LUZP2: variants seen among roughly 807,000 people sequenced by gnomAD.
LUZP2 encodes the protein leucine zipper protein 2.
Under a neutral mutation model 51.6 loss-of-function variants are expected in LUZP2, and 52 were observed. The observed-to-expected ratio is 1.01, with a 90% CI of 0.81 to 1.27. The LOEUF (loss-of-function observed/expected upper bound fraction) is 1.27. Among genes scored for constraint, LUZP2 ranks in the 50% most tolerant of loss-of-function variants. The probability of loss-of-function intolerance (pLI) is 0.00; values close to 1 mark genes in which losing one functional copy is unlikely to be tolerated. For synonymous variants in LUZP2, 154 were observed against 137.3 expected (o/e 1.12, Z -0.85); for missense variants, 436 against 395.4 (o/e 1.10, Z -0.87).
At chr11:25,052,222 A>G (rs749759945) in intron 10 of LUZP2, among the ~76,000 whole-genome samples, 32 of 152,362 alleles carry the variant, frequency 2.1e-4, no homozygotes, top group South Asian at 8.3e-4. Context: ...AAGTAATACA[A>G]TGAGTGACAT....
At chr11:24,728,792 T>A (rs926910357) in intron 1 of LUZP2, among the ~76,000 whole-genome samples, 3 of 152,002 alleles carry the variant, frequency 2.0e-5, no homozygotes, top group African/African-American at 7.2e-5. Flanking sequence ...TTCACACTGC[T>A]GATAAAGGCA....
chr11:24,637,656 A>G (rs1218689511), intron 1 of LUZP2, among the ~76,000 whole-genome samples: 2 of 151,754 alleles, frequency 1.3e-5, no homozygotes, highest in Non-Finnish European at 2.9e-5. Context: ...GTGATTGATA[A>G]TAAGGACTGA....
At chr11:24,532,333 CTA>C (rs1345615073) in intron 1 of LUZP2, among the ~76,000 whole-genome samples, 11 of 150,708 alleles carry the variant, frequency 7.3e-5, no homozygotes, top group African/African-American at 2.4e-4. Context: ...AGAAATATGA[CTA>C]TTGATTTATT....
chr11:24,685,760 G>T (rs542138131), intron 1 of LUZP2, among the ~76,000 whole-genome samples: 6 of 152,246 alleles, frequency 3.9e-5, no homozygotes, highest in East Asian at 1.9e-4. Context: ...CAGAGATTAT[G>T]CTGTGTTCAC....
intron 5 of LUZP2, among the ~76,000 whole-genome samples, chr11:24,828,535 G>A (rs888369277): frequency 2.8e-5 from 4 of 142,202 alleles, no homozygotes; most frequent in African/African-American, 1.1e-4. Flanking sequence ...CAGATACCTT[G>A]CACAGCTACC....
intron 5 of LUZP2, among the ~76,000 whole-genome samples, chr11:24,792,253 C>T (rs1159784663): frequency 6.6e-6 from 1 of 151,946 alleles, no homozygotes; most frequent in Non-Finnish European, 1.5e-5. Flanking sequence ...TGGTGAAACA[C>T]TGTTTCTACT....
chr11:25,029,246 C>T (rs537716569), intron 9 of LUZP2, among the ~76,000 whole-genome samples: 3 of 152,138 alleles, frequency 2.0e-5, no homozygotes, highest in East Asian at 3.9e-4. Flanking sequence ...GTTTGTTACT[C>T]GAAGGATAAA....
chr11:24,848,336 T>G (rs966294657), intron 5 of LUZP2, among the ~76,000 whole-genome samples: 1 of 152,162 alleles, frequency 6.6e-6, no homozygotes, highest in East Asian at 1.9e-4. Flanking sequence ...AGTAAAAATT[T>G]TATCTCCCTT....
intron 1 of LUZP2, among the ~76,000 whole-genome samples, chr11:24,592,585 T>G (rs548582126): frequency 6.6e-6 from 1 of 152,210 alleles, no homozygotes; most frequent in South Asian, 2.1e-4. Context: ...TCAGCCTTAT[T>G]TATTTTCCTC....
intron 1 of LUZP2, among the ~76,000 whole-genome samples, chr11:24,547,537 CCCTT>C (rs144415014): frequency 4.7e-4 from 72 of 152,060 alleles, no homozygotes; most frequent in Non-Finnish European, 9.1e-4. Flanking sequence ...GAAATAGGAC[CCCTT>C]CCTTTTACCA....
chr11:25,044,169 CTA>C (rs1428097832), intron 9 of LUZP2, among the ~76,000 whole-genome samples: 3 of 29,786 alleles, frequency 1.0e-4, no homozygotes, highest in Non-Finnish European at 2.2e-4. Flanking sequence ...TATAGTGTCT[CTA>C]TATATACACA....
chr11:24,696,217 A>G, intron 1 of LUZP2, among the ~76,000 whole-genome samples: 1 of 152,084 alleles, frequency 6.6e-6, no homozygotes. Context: ...GGGAAGGACA[A>G]GACTAAATAA....
Position 24,497,222 on chromosome 11 carries a change from GA to G in LUZP2, c.-21del. 1.3e-6 allele frequency: 2 copies of G among 1,521,494 alleles called. No individual in the cohort carries two copies. The highest frequency in any genetic ancestry group is 2.0e-5 in the Admixed American group (1 of 51,208). The allele number at this position is 1,521,494 out of a possible 1,614,324, so 94.2% of individuals were successfully genotyped here. A position where few individuals can be genotyped will look rare whatever the true frequency, so the allele number is the denominator to read the frequency against. On this transcript the variant is annotated 5_prime_UTR_variant, in exon 1 of 12. Coordinates refer to ENST00000336930, the MANE Select transcript of LUZP2 (RefSeq NM_001009909.4). ...GAGAGAGAGAAGGCAGCGAGGGAAG[GA>G]GGACCCCGGCAGGCAGCAGCATGAA...
intron 9 of LUZP2, among the ~76,000 whole-genome samples, chr11:25,011,330 T>C (rs1856978237): frequency 6.6e-6 from 1 of 152,156 alleles, no homozygotes. Context: ...GTAAACATAT[T>C]CATTATAGTG....
intron 1 of LUZP2, among the ~76,000 whole-genome samples, chr11:24,722,601 C>T (rs1858317994): frequency 6.6e-6 from 1 of 152,030 alleles, no homozygotes. Context: ...AACAACTCTT[C>T]ATTAAAAGAT....
At chr11:24,502,321 G>T (rs1371077661) in intron 1 of LUZP2, among the ~76,000 whole-genome samples, 2 of 152,134 alleles carry the variant, frequency 1.3e-5, no homozygotes, top group Non-Finnish European at 2.9e-5. Context: ...GAGAAGAGAG[G>T]AAGTCAGAGG....
chr11:24,893,425 C>T (rs1284470711), intron 5 of LUZP2: 1 of 152,094 alleles, frequency 6.6e-6, no homozygotes, highest in Non-Finnish European at 1.5e-5. Flanking sequence ...TACACATGCA[C>T]ACATACACAC....
chr11:24,555,565 G>T (rs573983756), intron 1 of LUZP2, among the ~76,000 whole-genome samples: 1 of 152,292 alleles, frequency 6.6e-6, no homozygotes, highest in South Asian at 2.1e-4. Context: ...GACTAGTTTA[G>T]TTCTTAGCAC....
At chr11:24,758,559 A>T (rs912022092) in intron 4 of LUZP2, among the ~76,000 whole-genome samples, 3 of 152,072 alleles carry the variant, frequency 2.0e-5, no homozygotes, top group Non-Finnish European at 2.9e-5. Context: ...TTTTTATTGT[A>T]TAAATCATCC....
Sources: allele counts gnomAD v4.1 joint callset (sites outside exome capture counted in the v4.1 genomes callset), GRCh38; gene constraint gnomAD v4.1.1; transcripts MANE v1.5; gene names NCBI Gene and HGNC (gene_info 2026-07-23, HGNC 2026-07-21).